NNT: variants seen among roughly 807,000 people sequenced by gnomAD.
NNT encodes NAD(P) transhydrogenase, mitochondrial.
Under a neutral mutation model 104.8 loss-of-function variants are expected in NNT, and 50 were observed. The ratio of observed to expected loss-of-function variants is 0.48; its 90% CI spans 0.38 to 0.60. The LOEUF is 0.60. Among genes scored for constraint, NNT ranks in the 20% least tolerant of loss-of-function variants. NNT has a pLI of 0.00. For missense variants in NNT, 1,131 were observed against 1,330.7 expected, an observed-to-expected ratio of 0.85 and a Z score of 2.33; for synonymous variants, 461 against 490.4, an observed-to-expected ratio of 0.94 and a Z score of 0.79.
At chr5:43,630,886 C>T (rs1750639593) in intron 7 of NNT, among the ~76,000 whole-genome samples, 1 of 152,186 alleles carries the variant, frequency 6.6e-6, no homozygotes, top group East Asian at 1.9e-4. Context: ...GAAGGAGCCT[C>T]ACTTTCTCTG....
At chr5:43,665,203 GTATTT>G (rs1447028986) in intron 17 of NNT, among the ~76,000 whole-genome samples, 4 of 143,564 alleles carry the variant, frequency 2.8e-5, no homozygotes, top group Non-Finnish European at 6.0e-5. Flanking sequence ...TTTTTTTCTG[GTATTT>G]TATTTATTTA....
chr5:43,669,420 T>C (rs1193106146), intron 17 of NNT, among the ~76,000 whole-genome samples: 2 of 152,228 alleles, frequency 1.3e-5, no homozygotes, highest in Non-Finnish European at 2.9e-5. Context: ...TGTGGGTTTG[T>C]CATAGATAGC....
chr5:43,665,598 G>C (rs568033255), intron 17 of NNT, among the ~76,000 whole-genome samples: 33 of 152,306 alleles, frequency 2.2e-4, no homozygotes, highest in African/African-American at 6.7e-4. Context: ...ATTTTTCTTA[G>C]TACAGAACAA....
At chr5:43,643,044 A>C (rs34225966) in intron 7 of NNT, among the ~76,000 whole-genome samples, 6,536 of 151,862 alleles carry the variant, frequency 0.043, 166 homozygotes, top group East Asian at 0.12. Context: ...CCTTTCTCAG[A>C]CTCCTGGGTG....
chr5:43,669,489 A>G (rs1740924482), intron 17 of NNT, among the ~76,000 whole-genome samples: 1 of 152,110 alleles, frequency 6.6e-6, no homozygotes, highest in South Asian at 2.1e-4. Flanking sequence ...TTTTAGCATG[A>G]AGAGTTGTTG....
intron 19 of NNT, among the ~76,000 whole-genome samples, chr5:43,678,250 G>A (rs2112113600): frequency 6.6e-6 from 1 of 152,282 alleles, no homozygotes; most frequent in Middle Eastern, 3.4e-3. Context: ...CTGTGGATAA[G>A]TGGACCCTCT....
intron 17 of NNT, among the ~76,000 whole-genome samples, chr5:43,660,105 A>G (rs978396308): frequency 6.6e-6 from 1 of 152,314 alleles, no homozygotes; most frequent in South Asian, 2.1e-4. Flanking sequence ...TTTGCCCTTA[A>G]TGCTATACAT....
At position 43,685,971 on chromosome 5, in the gene NNT, GCTT is replaced by G. The variant is rs370819703; in HGVS notation, c.2876+8173_2876+8175del. Among the ~76,000 whole-genome samples, 27 of 152,118 alleles carry G rather than the reference GCTT, an allele frequency of 1.8e-4. No homozygotes were observed. In the East Asian group the frequency reaches 3.3e-3, roughly 19 times the overall value. Reference sequence around the variant, plus strand: ...TTTAAAAAATAGTACTTTTTGAATTGCTTCTTCTTCATATTTTACCAAGTATAC... The same window carrying G: ...TTTAAAAAATAGTACTTTTTGAATTGCTTCTTCATATTTTACCAAGTATAC... On this transcript the variant is annotated intron_variant, in intron 19 of 21. Transcript: ENST00000344920.
intron 5 of NNT, among the ~76,000 whole-genome samples, chr5:43,620,171 C>T (rs1323372291): frequency 6.6e-6 from 1 of 152,170 alleles, no homozygotes; most frequent in Non-Finnish European, 1.5e-5. Flanking sequence ...GGAAACCTGA[C>T]TTTAAATGTG....
chr5:43,638,341 G>T (rs1314442448), intron 7 of NNT, among the ~76,000 whole-genome samples: 1 of 152,028 alleles, frequency 6.6e-6, no homozygotes, highest in Non-Finnish European at 1.5e-5. Context: ...TTGTGGACTG[G>T]GTGGAAAAAT....
intron 19 of NNT, among the ~76,000 whole-genome samples, chr5:43,678,020 A>G (rs751537376): frequency 6.6e-6 from 1 of 152,264 alleles, no homozygotes; most frequent in Non-Finnish European, 1.5e-5. Flanking sequence ...CAAAATATGT[A>G]TCAATTAACA....
chr5:43,614,163 T>A (rs1330430822), intron 3 of NNT, among the ~76,000 whole-genome samples: 1 of 152,232 alleles, frequency 6.6e-6, no homozygotes, highest in African/African-American at 2.4e-5. Context: ...TCTTTTGAGA[T>A]GTCTTGAAAA....
At chr5:43,662,497 A>T (rs970296965) in intron 17 of NNT, among the ~76,000 whole-genome samples, 2 of 152,120 alleles carry the variant, frequency 1.3e-5, no homozygotes, top group Admixed American at 1.3e-4. Flanking sequence ...CCTATTCTGT[A>T]TATAGAACTA....
At chr5:43,682,509 G>A (rs570127465) in intron 19 of NNT, among the ~76,000 whole-genome samples, 7 of 152,244 alleles carry the variant, frequency 4.6e-5, no homozygotes, top group Non-Finnish European at 8.8e-5. Context: ...CCACACTCAG[G>A]CAGGATTTTC....
intron 4 of NNT, among the ~76,000 whole-genome samples, chr5:43,616,324 G>A (rs887005438): frequency 2.6e-5 from 4 of 152,168 alleles, no homozygotes. Context: ...GCAAATAGCT[G>A]TCAGATTATT....
In NNT at chr5:43,624,044, G is replaced by C. The variant is rs771891484; in HGVS notation, c.700G>C (p.Gly234Arg). ...KVPPAKILIV[G>R]GGVAGLASAG... Reference sequence around the variant, plus strand: ...GTCTGTCTTCTAGATTCTGATAGTTGGTGGTGGTGTTGCTGGGCTTGCTTC... The same window carrying C: ...GTCTGTCTTCTAGATTCTGATAGTTCGTGGTGGTGTTGCTGGGCTTGCTTC... The change falls in exon 6 of 22, where the codon GGT (glycine) becomes CGT (arginine). Residue 234 changes from glycine to arginine, a missense_variant. Transcript: ENST00000344920. 1 of 1,614,006 alleles carries C rather than the reference G, an allele frequency of 6.2e-7. No individual in the cohort carries two copies. The highest frequency in any genetic ancestry group is 8.5e-7 in the Non-Finnish European group (1 of 1,179,900).
chr5:43,659,212 C>G lies in NNT; in HGVS notation c.2496C>G (p.Pro832=), dbSNP rs201912785. 185 of 1,613,098 alleles carry G rather than the reference C, an allele frequency of 1.1e-4. No individual in the cohort carries two copies. The East Asian group carries it at 3.7e-3, about 33-fold the overall frequency. The change falls in exon 17 of 22, where the codon CCC becomes CCG. Residue 832 remains proline, a synonymous_variant. Transcript: ENST00000344920. ...LTAAIGGADM[P]VVITVLNSYS... is the part of the protein sequence containing the mutation. The stretch of plus-strand genomic sequence containing the variant: ...CTGCTATTGGGGGTGCTGACATGCC[C>G]GTCGTTATCACTGTGCTGAACAGCT...
At position 43,608,013 on chromosome 5, in the gene NNT, C is replaced by T. The variant is rs947953374; in HGVS notation, c.-53-1130C>T. 1.5e-4 allele frequency among the ~76,000 whole-genome samples: 23 copies of T among 152,164 alleles called. No individual in the cohort carries two copies. In the East Asian group the frequency reaches 2.7e-3, roughly 18 times the overall value. On this transcript the variant is annotated intron_variant, in intron 1 of 21. Coordinates refer to ENST00000344920, the MANE Select transcript of NNT (RefSeq NM_182977.3). Reference sequence around the variant, plus strand: ...TGGTGCAATCTTGGCTCACTGCATCCTCCACCTCCCAGGTTCAACCAATTC... The same window carrying T: ...TGGTGCAATCTTGGCTCACTGCATCTTCCACCTCCCAGGTTCAACCAATTC...
intron 17 of NNT, among the ~76,000 whole-genome samples, chr5:43,667,497 T>C (rs1740776528): frequency 6.6e-6 from 1 of 151,712 alleles, no homozygotes; most frequent in Non-Finnish European, 1.5e-5. Flanking sequence ...AATTCCCACC[T>C]ATGAGTGAGA....
Sources: allele counts gnomAD v4.1 joint callset (sites outside exome capture counted in the v4.1 genomes callset), GRCh38; gene constraint gnomAD v4.1.1; transcripts MANE v1.5; gene names NCBI Gene and HGNC (gene_info 2026-07-23, HGNC 2026-07-21).